The following KANK2 variants were observed in gnomAD, a reference collection of about 807,000 sequenced individuals.
The protein encoded by KANK2 is KN motif and ankyrin repeat domains 2.
KANK2 carries 41 observed loss-of-function variants against 74.6 expected under a neutral mutation model. The observed-to-expected ratio is 0.55, with a 90% CI of 0.43 to 0.71. The LOEUF is 0.71. KANK2 is among the 30% of genes least tolerant of loss of function. The pLI is 0.00. For synonymous variants in KANK2, 537 were observed against 519.0 expected (o/e 1.03, Z -0.47); for missense variants, 1,148 against 1,196.4 (o/e 0.96, Z 0.60).
chr19:11,190,088 C>T (rs1476975983), intron 4 of KANK2, among the ~76,000 whole-genome samples: 3 of 152,136 alleles, frequency 2.0e-5, no homozygotes, highest in South Asian at 4.1e-4. Flanking sequence ...GCCCTACCTT[C>T]GAGCCCTGCT....
chr19:11,196,280 ACTC>A (rs1444309844), intron 1 of KANK2: 3 of 151,824 alleles, frequency 2.0e-5, no homozygotes, highest in African/African-American at 7.3e-5. Context: ...CTGGTCTCGA[ACTC>A]CTGACCTCAG....
rs2078533219 is a variant in KANK2, at chr19:11,181,977, ATGCGATCTTGG to A, written c.1250-3268_1250-3258del. ...TTGTCATCCAGGTTGGAGTGCAGTG[ATGCGATCTTGG>A]CTCACTGCAACCTCTGCCTCCTGGG... On this transcript the variant is annotated intron_variant, in intron 4 of 12. Transcript: ENST00000586659. Among the ~76,000 whole-genome samples, 29 of 135,114 alleles carry A rather than the reference ATGCGATCTTGG, an allele frequency of 2.1e-4. No homozygotes were observed. In the Admixed American group the frequency reaches 2.3e-3, roughly 11 times the overall value. 88.6% of individuals were successfully genotyped at this position (135,114 alleles called of 152,430 possible).
intron 4 of KANK2, among the ~76,000 whole-genome samples, chr19:11,179,641 T>TA (rs2078454322): frequency 1.5e-5 from 2 of 134,226 alleles, no homozygotes; most frequent in Non-Finnish European, 1.6e-5. Flanking sequence ...GTCCTGAAAA[T>TA]AAAAAATAAA....
At chr19:11,194,839 TG>T (rs2078971102) in intron 2 of KANK2, 3 of 244,858 alleles carry the variant, frequency 1.2e-5, no homozygotes, top group Non-Finnish European at 2.5e-5. Context: ...AGGCTCCAGC[TG>T]TTCCCATAGC....
chr19:11,181,263 ATTT>A (rs2078510559), intron 4 of KANK2, among the ~76,000 whole-genome samples: 1 of 145,922 alleles, frequency 6.9e-6, no homozygotes, highest in Non-Finnish European at 1.5e-5. Flanking sequence ...TATTATTATT[ATTT>A]GATACAGTCT....
rs761259112 is a variant in KANK2 at position 11,178,603 on chromosome 19, T to C, written c.1367A>G (p.Glu456Gly). The C allele has an allele frequency of 1.9e-6, 3 of 1,602,990 alleles. No homozygotes were observed. The Admixed American group carries it at 5.2e-5, about 28-fold the overall frequency. ...RVPTQEPTHR[E>G]PTRQAASQES... ...TTGGGAGGCTGCTTGCCTGGTGGGC[T>C]CCCTGTGGGTGGGCTCCTGGGTGGG... is the stretch of plus-strand genomic sequence containing the variant. Residue 456 changes from glutamate to glycine, a missense_variant, in exon 5 of 13, where the codon GAG becomes GGG. Coordinates refer to ENST00000586659, the MANE Select transcript of KANK2 (RefSeq NM_001136191.3).
intron 9 of KANK2, among the ~76,000 whole-genome samples, chr19:11,173,979 C>T (rs745389568): frequency 6.6e-6 from 1 of 151,326 alleles, no homozygotes. Flanking sequence ...CCTCCATCAG[C>T]CTGGGAGGGT....
chr19:11,175,427 C>CA (rs753933217), intron 8 of KANK2, among the ~76,000 whole-genome samples: 2,565 of 14,734 alleles, frequency 0.17, 453 homozygotes, highest in East Asian at 0.38. Flanking sequence ...GACTCCCTCT[C>CA]AAAAAAAAAA....
chr19:11,170,048 G>A lies in KANK2; in HGVS notation c.2412C>T (p.Arg804=), dbSNP rs374352032. 2.1e-5 allele frequency: 34 copies of A among 1,613,008 alleles called. No homozygotes were observed. In the African/African-American group the frequency reaches 2.3e-4, roughly 11 times the overall value. Residue 804 remains arginine (R), a splice_region_variant and synonymous_variant, in exon 11 of 13, where the codon CGC becomes CGT. Coordinates refer to ENST00000586659, the MANE Select transcript of KANK2 (RefSeq NM_001136191.3). This position sits in a 1 kb window ranked among gnomAD's most constrained non-coding sequence, Gnocchi z 5.2. ...GGGGTGCACCTGGTTGGAGACTCAC[G>A]CGATCTGTGAGTGAGATGTCACAGC... The part of the protein sequence containing the change: ...VPSCDISLTD[R]DGSTALMVAL...
At chr19:11,166,970 A>G (rs1443728462) in intron 12 of KANK2, among the ~76,000 whole-genome samples, 1 of 152,182 alleles carries the variant, frequency 6.6e-6, no homozygotes, top group African/African-American at 2.4e-5. Context: ...GGGTGTGGCA[A>G]TAAGGCCAGT....
Position 11,170,518 on chromosome 19 carries a change from G to T in KANK2, c.2212-270C>A. On this transcript the variant is annotated intron_variant, in intron 10 of 12. Transcript: ENST00000586659. This position sits in a 1 kb window ranked among gnomAD's most constrained non-coding sequence, Gnocchi z 5.2. ...GGTTTCCTTTGGGGGTGAAGAGAAC[G>T]TTCTGGAACTAGACGGAGGTGTTGG... 1 of 538,816 alleles carries T rather than the reference G, an allele frequency of 1.9e-6. No homozygotes were observed. Among genetic ancestry groups the T allele is most frequent in the East Asian group, 3.2e-5 (1 of 31,624 alleles). 33.4% of individuals were successfully genotyped at this position (538,816 alleles called of 1,614,324 possible). A position where few individuals can be genotyped will look rare whatever the true frequency, so the allele number is the denominator to read the frequency against.
At chr19:11,188,858 C>G (rs1376743221) in intron 4 of KANK2, among the ~76,000 whole-genome samples, 2 of 151,718 alleles carry the variant, frequency 1.3e-5, no homozygotes, top group African/African-American at 4.8e-5. Flanking sequence ...GTGGTGGGTG[C>G]CTGTAATCCC....
At position 11,170,131 on chromosome 19, in the gene KANK2, T is replaced by C. The variant is rs376144436; in HGVS notation, c.2329A>G (p.Met777Val). Residue 777 changes from methionine to valine, a missense_variant, in exon 11 of 13, where the codon ATG (methionine) becomes GTG (valine). Physicochemically the swap from Met to Val is conservative, Grantham distance 21 (BLOSUM62 1). Transcript: ENST00000586659. The surrounding 1 kb of genome is among the most constrained non-coding windows in gnomAD (Gnocchi z 5.2). ...TTGTGGCCGTGCTCACAGGCGCACA[T>C]GAGGGCCGTGGAGCCGTCATCATCT... The part of the protein sequence containing the change: ...VQDDDGSTAL[M>V]CACEHGHKEI... 3.1e-6 allele frequency: 5 copies of C among 1,612,858 alleles called. No homozygotes were observed. The highest frequency in any genetic ancestry group is 2.2e-5 in the East Asian group (1 of 44,884).
intron 2 of KANK2, chr19:11,194,803 C>T (rs1444119774): frequency 2.9e-6 from 1 of 347,762 alleles, no homozygotes; most frequent in Admixed American, 3.8e-5. Context: ...TCACTGCCTG[C>T]TTGCACATCT....
chr19:11,177,025 T>G (rs1178581149), intron 6 of KANK2, among the ~76,000 whole-genome samples: 1 of 151,558 alleles, frequency 6.6e-6, no homozygotes, highest in Non-Finnish European at 1.5e-5. Context: ...GTGATTATGA[T>G]CATGCTCGGG....
At chr19:11,194,763 C>A (rs369623532) in intron 2 of KANK2, 173 bp from the exon 3 acceptor site, 186 of 450,390 alleles carry the variant, frequency 4.1e-4, no homozygotes, top group South Asian at 3.7e-3. Context: ...CCCCCTCCCC[C>A]CCGCAGGTCT....
chr19:11,184,266 C>A lies in KANK2; in HGVS notation c.1250-5546G>T, dbSNP rs1238467268. ...TGGCAGGCACCTGTAATCCCAGCTACTCGGGAGGATGAGGCAGGAGAATTG... is the reference window on the plus strand; with the variant it reads ...TGGCAGGCACCTGTAATCCCAGCTAATCGGGAGGATGAGGCAGGAGAATTG... On this transcript the variant is annotated intron_variant, in intron 4 of 12. Coordinates refer to ENST00000586659, the MANE Select transcript of KANK2 (RefSeq NM_001136191.3). Among the ~76,000 whole-genome samples, 3 of 149,890 alleles carry A rather than the reference C, an allele frequency of 2.0e-5. 1 individual carries two copies. Among genetic ancestry groups the A allele is most frequent in the Non-Finnish European group, 4.5e-5 (3 of 67,238 alleles).
intron 8 of KANK2, among the ~76,000 whole-genome samples, chr19:11,175,578 G>A (rs1322053760): frequency 1.3e-5 from 2 of 151,688 alleles, no homozygotes; most frequent in African/African-American, 4.8e-5. Flanking sequence ...GAGCCACTGC[G>A]CCCAGCCCTG....
intron 4 of KANK2, among the ~76,000 whole-genome samples, chr19:11,186,563 G>A (rs576559682): frequency 5.3e-4 from 80 of 151,960 alleles, no homozygotes; most frequent in Non-Finnish European, 9.9e-4. Context: ...CAGGCGTGGT[G>A]GGGCGCATGC....
Sources: gnomAD v4.1 joint callset for allele counts (sites outside exome capture counted in the v4.1 genomes callset) on GRCh38, gnomAD v4.1.1 for gene constraint, Gnocchi (gnomAD v3.1) non-coding constraint, MANE v1.5 for transcripts, NCBI Gene and HGNC (gene_info 2026-07-23, HGNC 2026-07-21) for gene names.